The following XAF1 variants were observed in gnomAD, a reference collection of about 807,000 sequenced individuals.
The protein encoded by XAF1 is XIAP associated factor 1.
In XAF1, 32 loss-of-function variants were observed where a neutral mutation model predicts 32.3. The observed-to-expected ratio is 0.99, with a 90% CI of 0.75 to 1.33. The LOEUF is 1.33. Ranked by LOEUF, XAF1 falls within the 40% of genes most tolerant of loss-of-function variation. XAF1 has a pLI of 0.00. For synonymous variants in XAF1, 120 were observed against 125.9 expected, an observed-to-expected ratio of 0.95 and a Z score of 0.31; for missense variants, 379 against 366.0, an observed-to-expected ratio of 1.04 and a Z score of -0.29.
rs759381230 is a variant in XAF1, at chr17:6,756,095, CG to C, written c.19del (p.Val7CysfsTer9). The C allele has an allele frequency of 1.3e-5, 21 of 1,613,946 alleles. No homozygotes were observed. In the Middle Eastern group the frequency reaches 1.2e-3, roughly 89 times the overall value. ...GAGCAGAACATGGAAGGAGACTTCT[CG>C]GTGTGCAGGAACTGGTAAGAAAGTG... MEGDF[S>X]VCRNCKRHVV... On this transcript the variant is annotated frameshift_variant, in exon 1 of 7. Coordinates refer to ENST00000361842, the MANE Select transcript of XAF1 (RefSeq NM_017523.5). LOFTEE classifies it high-confidence loss of function.
rs779206237 is a variant in XAF1 at position 6,770,946 on chromosome 17, G to A, written c.811G>A (p.Gly271Ser). ...YDILRRCSQC[G>S]ILLPLPILNQ... ...CATTCTGAGGAGATGTTCTCAGTGT[G>A]GCATCCTGCTTCCCCTGCCGATCCT... Residue 271 changes from glycine to serine, a missense_variant, in exon 6 of 7, where the codon GGC (glycine) becomes AGC (serine). Gly to Ser is a moderately conservative substitution (Grantham distance 56). Transcript: ENST00000361842. 154 of 1,613,886 alleles carry A rather than the reference G, an allele frequency of 9.5e-5. 2 individuals carry two copies. The Admixed American group carries it at 2.5e-3, about 26-fold the overall frequency.
In XAF1 at chr17:6,764,569, AT is replaced by A. The variant is rs912082596; in HGVS notation, c.507+2338del. On this transcript the variant is annotated intron_variant, in intron 5 of 6. Transcript: ENST00000361842. ...ATATCAATGGCCTTGCACGAAAAGA[AT>A]TTTTTTTTAATTTTGAAAATTAAGG... is the stretch of plus-strand genomic sequence containing the variant. Among the ~76,000 whole-genome samples, 411 of 151,928 alleles carry A rather than the reference AT, an allele frequency of 2.7e-3. 3 individuals carry two copies. The highest frequency in any genetic ancestry group is 9.4e-3 in the African/African-American group (387 of 41,388).
chr17:6,756,366 C>T lies in XAF1; in HGVS notation c.32+256C>T, dbSNP rs1974655727. ...TAGGCTTTCTGGGACAGTTCTGAAG[C>T]CAAATAGCCCGGCCAGTGGTCCCAA... On this transcript the variant is annotated intron_variant, in intron 1 of 6. Coordinates refer to ENST00000361842, the MANE Select transcript of XAF1 (RefSeq NM_017523.5). 18 of 1,148,880 alleles carry T rather than the reference C, an allele frequency of 1.6e-5. No individual in the cohort carries two copies. In the East Asian group the frequency reaches 5.6e-4, roughly 36 times the overall value. 71.2% of individuals were successfully genotyped at this position (1,148,880 alleles called of 1,614,324 possible).
rs1348449215 is a variant in XAF1, at chr17:6,762,196, T to G, written c.463T>G (p.Tyr155Asp). 2 of 1,613,740 alleles carry G rather than the reference T, an allele frequency of 1.2e-6. No individual in the cohort carries two copies. Among genetic ancestry groups the G allele is most frequent in the East Asian group, 2.2e-5 (1 of 44,880 alleles). Residue 155 changes from tyrosine (Y) to aspartate (D), a missense_variant, in exon 5 of 7, where the codon TAT (tyrosine) becomes GAT (aspartate). Physicochemically the swap from Tyr to Asp is radical, Grantham distance 160. Transcript: ENST00000361842. ...TCCTGAAAGGGAAATCTACTGTCAT[T>G]ATTGCAACCAAATGATTCCAGAAAA... ...SAPEREIYCH[Y>D]CNQMIPENKY...
chr17:6,759,739 C>A, intron 3 of XAF1, 21 bp downstream of exon 3: 4 of 1,613,956 alleles, frequency 2.5e-6, no homozygotes, highest in Non-Finnish European at 3.4e-6. Context: ...CATGTGATTT[C>A]TCCTTTACAG....
At chr17:6,772,919 G>A (rs953633089) in intron 6 of XAF1, 194 bp from the exon 7 acceptor site, 1 of 513,018 alleles carries the variant, frequency 1.9e-6, no homozygotes, top group South Asian at 2.8e-5. Context: ...ATAGCAACAG[G>A]CCCCTGTTAA....
At position 6,775,470 on chromosome 17, in the gene XAF1, G is replaced by A. The variant is rs1232750001; in HGVS notation, c.*2301G>A. ...ACGTTTGGATTATTTTCCCTCTTTC[G>A]AACAAAGACATTGGTTTGCCCAAGG... is the stretch of plus-strand genomic sequence containing the variant. On this transcript the variant is annotated 3_prime_UTR_variant, in exon 7 of 7. Transcript: ENST00000361842. The A allele has an allele frequency of 6.6e-6, 1 of 152,080 alleles. No homozygotes were observed. Among genetic ancestry groups the A allele is most frequent in the Non-Finnish European group, 1.5e-5 (1 of 68,016 alleles). The allele number at this position is 152,080 out of a possible 1,614,324, so 9.4% of individuals were successfully genotyped here.
chr17:6,773,198 CA>C lies in XAF1; in HGVS notation c.*33del. The C allele has an allele frequency of 6.3e-7, 1 of 1,581,380 alleles. No homozygotes were observed. Among genetic ancestry groups the C allele is most frequent in the South Asian group, 1.2e-5 (1 of 85,996 alleles). ...TGGAAAAGGAAAGGTACTACAAATTCAAAAGATTTCACTTTTAACACTGGCA... is the reference window on the plus strand; with the variant it reads ...TGGAAAAGGAAAGGTACTACAAATTCAAAGATTTCACTTTTAACACTGGCA... On this transcript the variant is annotated 3_prime_UTR_variant, in exon 7 of 7. Transcript: ENST00000361842.
chr17:6,755,946 G>C, upstream of XAF1: 1 of 1,557,748 alleles, frequency 6.4e-7, no homozygotes, highest in Non-Finnish European at 8.7e-7. Flanking sequence ...GAATCAAGGG[G>C]AACTCCTGAG....
chr17:6,766,759 C>T (rs918703563), intron 5 of XAF1, among the ~76,000 whole-genome samples: 1 of 152,136 alleles, frequency 6.6e-6, no homozygotes, highest in Admixed American at 6.5e-5. Context: ...CTAAATCATC[C>T]CTAAAATTCT....
chr17:6,755,909 G>C, upstream of XAF1: 1 of 1,455,492 alleles, frequency 6.9e-7, no homozygotes, highest in Non-Finnish European at 9.0e-7. Context: ...TGCTGTAAAG[G>C]GGCTTCTTGG....
At chr17:6,756,004 C>T (rs772972102), upstream of XAF1, 2 of 1,611,518 alleles carry the variant, frequency 1.2e-6, no homozygotes, top group South Asian at 1.1e-5. Context: ...TGGGCTGGGC[C>T]ATCGGAAAAC....
intron 4 of XAF1, among the ~76,000 whole-genome samples, chr17:6,760,934 C>T (rs1436464488): frequency 1.3e-5 from 2 of 152,182 alleles, no homozygotes; most frequent in Non-Finnish European, 2.9e-5. Flanking sequence ...GCGGGCAGAT[C>T]ACCTGAGGTT....
At chr17:6,759,430 A>T in intron 2 of XAF1, 1 of 1,414,060 alleles carries the variant, frequency 7.1e-7, no homozygotes, top group South Asian at 1.6e-5. Context: ...GTCTCTCTGG[A>T]GATACTCAAG....
Position 6,765,345 on chromosome 17 carries a change from G to A in XAF1, c.507+3105G>A, listed in dbSNP as rs527725710. On this transcript the variant is annotated intron_variant, in intron 5 of 6. Transcript: ENST00000361842. Reference sequence around the variant, plus strand: ...GGAGAATGGCGTGAACCCAGGAGGCGGAGCTTGCAGTGAGCCGAGATCACG... The same window carrying A: ...GGAGAATGGCGTGAACCCAGGAGGCAGAGCTTGCAGTGAGCCGAGATCACG... 3.3e-5 allele frequency among the ~76,000 whole-genome samples: 5 copies of A among 152,006 alleles called. 1 individual carries two copies. The South Asian group carries it at 6.2e-4, about 19-fold the overall frequency.
rs1976238334 is a variant in XAF1, at chr17:6,773,900, G to C, written c.*731G>C. 1 of 152,064 alleles carries C rather than the reference G, an allele frequency of 6.6e-6. No individual in the cohort carries two copies. The highest frequency in any genetic ancestry group is 2.1e-4 in the South Asian group (1 of 4,830). The allele number at this position is 152,064 out of a possible 1,614,324, so 9.4% of individuals were successfully genotyped here. On this transcript the variant is annotated 3_prime_UTR_variant, in exon 7 of 7. Coordinates refer to ENST00000361842, the MANE Select transcript of XAF1 (RefSeq NM_017523.5). ...CAAAACACTGCTGAAAGAAATCAGAGATGACACAAATGGAAAAACATTCCA... is the reference window on the plus strand; with the variant it reads ...CAAAACACTGCTGAAAGAAATCAGACATGACACAAATGGAAAAACATTCCA...
chr17:6,770,966 G>T lies in XAF1; in HGVS notation c.831G>T (p.Pro277=). Residue 277 remains proline (P), a synonymous_variant, in exon 6 of 7, where the codon CCG becomes CCT. Coordinates refer to ENST00000361842, the MANE Select transcript of XAF1 (RefSeq NM_017523.5). ...CSQCGILLPL[P]ILNQHQEKCR... is the part of the protein sequence containing the mutation. Reference sequence around the variant, plus strand: ...AGTGTGGCATCCTGCTTCCCCTGCCGATCCTAAATCAACATCAGGTACTCA... The same window carrying T: ...AGTGTGGCATCCTGCTTCCCCTGCCTATCCTAAATCAACATCAGGTACTCA... The T allele has an allele frequency of 1.9e-6, 3 of 1,613,930 alleles. No homozygotes were observed. Among genetic ancestry groups the T allele is most frequent in the Non-Finnish European group, 2.5e-6 (3 of 1,179,990 alleles).
intron 1 of XAF1, 178 bp downstream of exon 1, chr17:6,756,288 T>TGGGG: frequency 1.0e-6 from 1 of 998,560 alleles, no homozygotes; most frequent in Non-Finnish European, 1.3e-6. Context: ...AATCTCTGGG[T>TGGGG]GGGGGTGGGC....
At chr17:6,763,845 A>G (rs1975398528) in intron 5 of XAF1, among the ~76,000 whole-genome samples, 1 of 152,176 alleles carries the variant, frequency 6.6e-6, no homozygotes, top group Non-Finnish European at 1.5e-5. Flanking sequence ...CAGCCACGGG[A>G]TTCTCAGCCT....
Sources: gnomAD v4.1 joint callset for allele counts (sites outside exome capture counted in the v4.1 genomes callset) on GRCh38, gnomAD v4.1.1 for gene constraint, MANE v1.5 for transcripts, NCBI Gene and HGNC (gene_info 2026-07-23, HGNC 2026-07-21) for gene names.